The following TRPM5 variants were observed in gnomAD, a reference collection of about 807,000 sequenced individuals.
The protein encoded by TRPM5 is MLSN1 and TRP-related.
Under a neutral mutation model 124.9 loss-of-function variants are expected in TRPM5, and 121 were observed. That is an observed-to-expected ratio of 0.97 (90% CI 0.84 to 1.13). TRPM5 has a LOEUF of 1.13. TRPM5 is among the 50% of genes most tolerant of loss of function. The pLI is 0.00. For missense variants in TRPM5, 1,643 were observed against 1,589.1 expected (o/e 1.03, Z -0.58); for synonymous variants, 781 against 700.5 (o/e 1.11, Z -1.81).
chr11:2,429,089 T>TGGAGGTGGTAGTAATGATGATGGTGGTG, the TRPM5 span, among the ~76,000 whole-genome samples: 1 of 149,064 alleles, frequency 6.7e-6, no homozygotes, highest in African/African-American at 2.5e-5. The surrounding 1 kb of genome is among the most constrained non-coding windows in gnomAD (Gnocchi z 8.4). Context: ...GTGATGATAG[T>TGGAGGTGGTAGTAATGATGATGGTGGTG]GGAGGTGGTA....
intron 21 of TRPM5, 123 bp downstream of exon 26, chr11:2,406,538 A>G (rs1850326384): frequency 1.5e-6 from 2 of 1,334,088 alleles, no homozygotes; most frequent in Admixed American, 4.6e-5. Context: ...GCTCGGCCAG[A>G]GCCCTGCCCC....
chr11:2,410,254 GC>G (rs1565007936), intron 18 of TRPM5, among the ~76,000 whole-genome samples: 2 of 152,154 alleles, frequency 1.3e-5, no homozygotes, highest in East Asian at 1.9e-4. Context: ...TCACGGCGTC[GC>G]CCCCGCCTGT....
Position 2,412,267 on chromosome 11 carries a change from G to A in TRPM5, c.2356-14C>T, listed in dbSNP as rs1473848380. ...TGTGAAGAAGCCCTGGGAGGGAGGT[G>A]GGCAGTCCACTGACAGCTGTCCAGC... On this transcript the variant is annotated splice_polypyrimidine_tract_variant and intron_variant, in intron 15 of 23. Coordinates refer to ENST00000155858, the Ensembl canonical transcript of TRPM5. 1.9e-6 allele frequency: 3 copies of A among 1,602,086 alleles called. No homozygotes were observed. Among genetic ancestry groups the A allele is most frequent in the Non-Finnish European group, 2.6e-6 (3 of 1,170,192 alleles).
At position 2,417,034 on chromosome 11, in the gene TRPM5, G is replaced by A. The variant is rs188269295; in HGVS notation, c.1009+693C>T. ...AATCTATAGAGACAGGAAGCAGATCGATGGTTCCCAGGGGCTGGGGGAAAT... is the reference window on the plus strand; with the variant it reads ...AATCTATAGAGACAGGAAGCAGATCAATGGTTCCCAGGGGCTGGGGGAAAT... On this transcript the variant is annotated intron_variant, in intron 7 of 23. Transcript: ENST00000155858. Among the ~76,000 whole-genome samples the A allele has an allele frequency of 9.9e-4, 151 of 152,316 alleles. No homozygotes were observed. The Middle Eastern group carries it at 0.014, about 14-fold the overall frequency.
At chr11:2,434,097 A>C in the TRPM5 span, among the ~76,000 whole-genome samples, 3 of 146,232 alleles carry the variant, frequency 2.1e-5, no homozygotes, top group Non-Finnish European at 4.5e-5. Context: ...GTCTGTGTGG[A>C]TGCTGTGTGT....
intron 4 of TRPM5, among the ~76,000 whole-genome samples, chr11:2,419,872 C>T (rs990236588): frequency 6.6e-6 from 1 of 152,222 alleles, no homozygotes; most frequent in African/African-American, 2.4e-5. Context: ...GGAAGTAGCC[C>T]TCTTTCAACT....
chr11:2,412,838 G>T (rs1360368892), exon 15 of TRPM5: 3 of 1,603,008 alleles, frequency 1.9e-6, no homozygotes, highest in Non-Finnish European at 1.7e-6. Context: ...GGGGCGGCCT[G>T]AAGTCCACCA....
At chr11:2,412,285 T>C in intron 15 of TRPM5, 32 bp from the exon 21 acceptor site, 11 of 1,553,094 alleles carry the variant, frequency 7.1e-6, no homozygotes, top group Non-Finnish European at 9.8e-6. Flanking sequence ...CACTGACAGC[T>C]GTCCAGCCGC....
At chr11:2,442,950 A>G in the TRPM5 span, among the ~76,000 whole-genome samples, 2 of 152,202 alleles carry the variant, frequency 1.3e-5, no homozygotes, top group African/African-American at 2.4e-5. The surrounding 1 kb of genome is among the most constrained non-coding windows in gnomAD (Gnocchi z 5.9). Flanking sequence ...TTCTTTATGT[A>G]TCAGTGATAT....
Position 2,416,040 on chromosome 11 carries a change from G to A in TRPM5, c.1010-16C>T, listed in dbSNP as rs1393976714. The A allele has an allele frequency of 1.3e-6, 2 of 1,581,294 alleles. No individual in the cohort carries two copies. Among genetic ancestry groups the A allele is most frequent in the Non-Finnish European group, 1.7e-6 (2 of 1,159,248 alleles). ...CTCTTGCAGGCTGTGGGCAGAGCAG[G>A]CAGGCACTGGTGAGGGTGGAGCTGA... On this transcript the variant is annotated splice_polypyrimidine_tract_variant and intron_variant, in intron 7 of 23. Coordinates refer to ENST00000155858, the Ensembl canonical transcript of TRPM5.
chr11:2,441,846 C>T, the TRPM5 span, among the ~76,000 whole-genome samples: 97 of 152,262 alleles, frequency 6.4e-4, no homozygotes, highest in African/African-American at 2.3e-3. The surrounding 1 kb of genome is among the most constrained non-coding windows in gnomAD (Gnocchi z 7.2). Context: ...TGTGCCACCA[C>T]ACCCAGCTAA....
Position 2,413,603 on chromosome 11 carries a change from AAACTGTCGGCTCC to A in TRPM5, c.1891-28_1891-16del. The A allele has an allele frequency of 6.2e-7, 1 of 1,607,942 alleles. No individual in the cohort carries two copies. The highest frequency in any genetic ancestry group is 8.5e-7 in the Non-Finnish European group (1 of 1,176,728). On this transcript the variant is annotated splice_polypyrimidine_tract_variant and intron_variant, in intron 12 of 23. Transcript: ENST00000155858. ...GTCAGGAAGGCCTGAGGTGAAGGCA[AAACTGTCGGCTCC>A]AACTCTGCACCTTTGCCCAGGCTGC...
intron 18 of TRPM5, among the ~76,000 whole-genome samples, chr11:2,408,782 C>T (rs1046478923): frequency 2.6e-5 from 4 of 152,234 alleles, no homozygotes; most frequent in Admixed American, 1.3e-4. Flanking sequence ...CCAGAGTGTG[C>T]CCTGGCCGTC....
intron 7 of TRPM5, 31 bp downstream of exon 12, chr11:2,417,696 C>A: frequency 6.6e-7 from 1 of 1,518,310 alleles, no homozygotes. Context: ...CCCCCAATGG[C>A]GCCTGCCTTG....
intron 3 of TRPM5, among the ~76,000 whole-genome samples, 168 bp from the exon 9 acceptor site, chr11:2,420,573 G>C (rs1845757539): frequency 6.6e-6 from 1 of 152,238 alleles, no homozygotes; most frequent in Non-Finnish European, 1.5e-5. Flanking sequence ...GGGACGAACA[G>C]CTGGGGCCCG....
chr11:2,414,049 G>T lies in TRPM5; in HGVS notation c.1890+12C>A. 8.4e-7 allele frequency: 1 copy of T among 1,192,200 alleles called. No individual in the cohort carries two copies. The highest frequency in any genetic ancestry group is 1.1e-6 in the Non-Finnish European group (1 of 894,296). The allele number at this position is 1,192,200 out of a possible 1,614,324, so 73.9% of individuals were successfully genotyped here. A position where few individuals can be genotyped will look rare whatever the true frequency, so the allele number is the denominator to read the frequency against. On this transcript the variant is annotated intron_variant, in intron 12 of 23. Transcript: ENST00000155858. ...CCCCTGGCAGCTCTCCTCGAGGACA[G>T]CTGGCACTCACCTGAACGCCGTCGT...
At chr11:2,422,012 G>A (rs557694359) in intron 2 of TRPM5, 129 bp downstream of exon 7, 4 of 890,824 alleles carry the variant, frequency 4.5e-6, no homozygotes, top group East Asian at 5.6e-5. Context: ...TGTGCCGGGT[G>A]GGGGGACAGT....
chr11:2,441,044 G>T, the TRPM5 span, among the ~76,000 whole-genome samples: 24 of 152,356 alleles, frequency 1.6e-4, 1 homozygote, highest in East Asian at 4.4e-3. This position sits in a 1 kb window ranked among gnomAD's most constrained non-coding sequence, Gnocchi z 7.2. Context: ...TTGGTGTGAG[G>T]TAGATTGAGT....
In TRPM5 at chr11:2,407,921, C is replaced by G; in HGVS notation, c.2783-9G>C. 1 of 1,612,708 alleles carries G rather than the reference C, an allele frequency of 6.2e-7. No individual in the cohort carries two copies. The highest frequency in any genetic ancestry group is 2.2e-5 in the East Asian group (1 of 44,884). ...GCAGTTCACACGGGCTTCTGGAAAG[C>G]AAGGGTGCTGTGGGGACCAGACCGG... On this transcript the variant is annotated splice_polypyrimidine_tract_variant and intron_variant, in intron 18 of 23. Coordinates refer to ENST00000155858, the Ensembl canonical transcript of TRPM5.
Sources: allele counts gnomAD v4.1 joint callset (sites outside exome capture counted in the v4.1 genomes callset), GRCh38; gene constraint gnomAD v4.1.1; non-coding constraint Gnocchi (gnomAD v3.1); transcripts MANE v1.5; gene names NCBI Gene and HGNC (gene_info 2026-07-23, HGNC 2026-07-21).